CUX2: variants seen among roughly 807,000 people sequenced by gnomAD.
CUX2 encodes homeobox protein cut-like 2.
Under a neutral mutation model 144.8 loss-of-function variants are expected in CUX2, and 40 were observed. The observed-to-expected ratio is 0.28, with a 90% CI of 0.21 to 0.36. The LOEUF (loss-of-function observed/expected upper bound fraction) is 0.36, where lower values mean the gene tolerates loss of function less well. Among genes scored for constraint, CUX2 ranks in the 10% least tolerant of loss-of-function variants. The pLI is 1.00. For synonymous variants in CUX2, 827 were observed against 875.6 expected (o/e 0.94, Z 0.98); for missense variants, 1,615 against 1,994.0 (o/e 0.81, Z 3.62).
At chr12:111,236,867 C>T (rs748717543) in intron 3 of CUX2, among the ~76,000 whole-genome samples, 3 of 152,144 alleles carry the variant, frequency 2.0e-5, no homozygotes, top group East Asian at 1.9e-4. Flanking sequence ...GCGGCAAAAG[C>T]GGCTGGGTGC....
chr12:111,174,255 AG>A (rs1878709684), intron 1 of CUX2, among the ~76,000 whole-genome samples: 2 of 152,352 alleles, frequency 1.3e-5, no homozygotes, highest in East Asian at 3.9e-4. Flanking sequence ...GGCCCCTGCA[AG>A]CATCCAGGCA....
At chr12:111,099,025 G>A (rs1185672180) in intron 1 of CUX2, among the ~76,000 whole-genome samples, 1 of 152,212 alleles carries the variant, frequency 6.6e-6, no homozygotes, top group Non-Finnish European at 1.5e-5. Context: ...AGTAAGGATA[G>A]GTGCTCAATA....
chr12:111,277,709 T>C lies in CUX2; in HGVS notation c.302-13709T>C, dbSNP rs927365785. On this transcript the variant is annotated intron_variant, in intron 4 of 21. Transcript: ENST00000261726. The surrounding 1 kb of genome is among the most constrained non-coding windows in gnomAD (Gnocchi z 5.0). ...GCTTTCCCTGACACACAGCAGGCAC[T>C]CGGGAAATATTTGGCAACTGAAGAA... Among the ~76,000 whole-genome samples the C allele has an allele frequency of 6.6e-6, 1 of 152,144 alleles. No homozygotes were observed. The highest frequency in any genetic ancestry group is 1.5e-5 in the Non-Finnish European group (1 of 68,024).
intron 1 of CUX2, among the ~76,000 whole-genome samples, chr12:111,104,360 G>C (rs1023129805): frequency 6.6e-6 from 1 of 152,206 alleles, no homozygotes; most frequent in Non-Finnish European, 1.5e-5. Context: ...CAAATCTCAG[G>C]ATGGCTCATG....
At chr12:111,197,468 C>T (rs554000862) in intron 1 of CUX2, among the ~76,000 whole-genome samples, 3 of 152,314 alleles carry the variant, frequency 2.0e-5, no homozygotes, top group South Asian at 4.1e-4. Flanking sequence ...CAGTGCCTGG[C>T]ACAGAGGGGA....
At chr12:111,087,014 A>G (rs1488403698) in intron 1 of CUX2, among the ~76,000 whole-genome samples, 1 of 152,182 alleles carries the variant, frequency 6.6e-6, no homozygotes, top group Non-Finnish European at 1.5e-5. Flanking sequence ...ATAGCCTATG[A>G]AATAGGAATG....
chr12:111,204,788 G>A (rs1282536753), intron 1 of CUX2, among the ~76,000 whole-genome samples: 1 of 152,154 alleles, frequency 6.6e-6, no homozygotes, highest in Admixed American at 6.5e-5. Context: ...GGACCTAGTC[G>A]ACAGCCAGCC....
chr12:111,103,376 C>G (rs968934600), intron 1 of CUX2, among the ~76,000 whole-genome samples: 2 of 152,136 alleles, frequency 1.3e-5, no homozygotes, highest in African/African-American at 4.8e-5. Flanking sequence ...AGTGTGATGG[C>G]CAGAGATAAA....
At chr12:111,083,427 G>C (rs1306899474) in intron 1 of CUX2, among the ~76,000 whole-genome samples, 1 of 152,206 alleles carries the variant, frequency 6.6e-6, no homozygotes, top group Non-Finnish European at 1.5e-5. Context: ...TGGGACCAAG[G>C]ACAGATGGGA....
chr12:111,119,968 G>A (rs1181622402), intron 1 of CUX2, among the ~76,000 whole-genome samples: 1 of 152,230 alleles, frequency 6.6e-6, no homozygotes, highest in Admixed American at 6.5e-5. Flanking sequence ...TGAGGCAGGA[G>A]AATAGTTTGC....
intron 1 of CUX2, among the ~76,000 whole-genome samples, chr12:111,185,416 C>T (rs981802150): frequency 6.6e-6 from 1 of 152,234 alleles, no homozygotes; most frequent in Non-Finnish European, 1.5e-5. Context: ...CTCTATGCCT[C>T]ACTTTTGCCA....
intron 3 of CUX2, among the ~76,000 whole-genome samples, chr12:111,218,470 C>G (rs1037748049): frequency 6.6e-6 from 1 of 152,124 alleles, no homozygotes. Flanking sequence ...GATTCATGAT[C>G]GCACCACTGC....
At chr12:111,130,629 GATA>G (rs1875409452) in intron 1 of CUX2, among the ~76,000 whole-genome samples, 1 of 146,884 alleles carries the variant, frequency 6.8e-6, no homozygotes, top group African/African-American at 2.8e-5. Context: ...AGTGTTGGTT[GATA>G]ATCATGTCTC....
At chr12:111,324,271 C>T (rs1261353339) in intron 18 of CUX2, among the ~76,000 whole-genome samples, 1 of 150,866 alleles carries the variant, frequency 6.6e-6, no homozygotes, top group African/African-American at 2.4e-5. Flanking sequence ...AATCACATGA[C>T]CTGGGAGGCA....
At chr12:111,147,426 T>C (rs1484113116) in intron 1 of CUX2, among the ~76,000 whole-genome samples, 1 of 152,178 alleles carries the variant, frequency 6.6e-6, no homozygotes, top group Admixed American at 6.5e-5. Flanking sequence ...TTGTCCCCAC[T>C]GCCCGCCAGG....
At chr12:111,183,761 C>T (rs1033475741) in intron 1 of CUX2, among the ~76,000 whole-genome samples, 51 of 152,076 alleles carry the variant, frequency 3.4e-4, no homozygotes, top group African/African-American at 1.0e-3. Flanking sequence ...GTGCCTGGCG[C>T]GTTCTGTTTG....
intron 1 of CUX2, among the ~76,000 whole-genome samples, chr12:111,113,046 C>T (rs75087806): frequency 0.018 from 2,734 of 152,262 alleles, 92 homozygotes; most frequent in African/African-American, 0.063. Flanking sequence ...AGCATAGGAG[C>T]TTGCCAGGGA....
Position 111,221,019 on chromosome 12 carries a change from G to A in CUX2, c.222+3082G>A, listed in dbSNP as rs373453639. 3.6e-4 allele frequency among the ~76,000 whole-genome samples: 55 copies of A among 151,264 alleles called. 1 individual carries two copies. Among genetic ancestry groups the A allele is most frequent in the Non-Finnish European group, 5.6e-4 (38 of 67,902 alleles). ...AGGCAGTCCCAGGGTCTGGCACACCGTTGGTGCTCAGTAAATACTAGGACA... is the reference window on the plus strand; with the variant it reads ...AGGCAGTCCCAGGGTCTGGCACACCATTGGTGCTCAGTAAATACTAGGACA... On this transcript the variant is annotated intron_variant, in intron 3 of 21. Transcript: ENST00000261726.
chr12:111,055,382 C>G (rs1309977989), intron 1 of CUX2, among the ~76,000 whole-genome samples: 1 of 152,236 alleles, frequency 6.6e-6, no homozygotes, highest in African/African-American at 2.4e-5. Context: ...ACCCTGGGAC[C>G]CTCGGGCCAG....
Sources: gnomAD v4.1 joint callset for allele counts (sites outside exome capture counted in the v4.1 genomes callset) on GRCh38, gnomAD v4.1.1 for gene constraint, Gnocchi (gnomAD v3.1) non-coding constraint, MANE v1.5 for transcripts, NCBI Gene and HGNC (gene_info 2026-07-23, HGNC 2026-07-21) for gene names.